Variants in DOCK1 observed in about 807,000 individuals in gnomAD.
DOCK1 encodes dedicator of cytokinesis 1, also known as dedicator of cytokinesis protein 1.
A neutral mutation model predicts 262.7 loss-of-function variants in DOCK1; 138 were observed. That is an observed-to-expected ratio of 0.53 (90% CI 0.46 to 0.61). The LOEUF (loss-of-function observed/expected upper bound fraction) is 0.61. DOCK1 is among the 20% of genes least tolerant of loss of function. The pLI is 0.00. For missense variants in DOCK1, 1,908 were observed against 2,370.7 expected, an observed-to-expected ratio of 0.80 and a Z score of 4.05; for synonymous variants, 866 against 867.4, an observed-to-expected ratio of 1.00 and a Z score of 0.03.
At chr10:126,970,480 TG>T (rs2038018643) in intron 1 of DOCK1, among the ~76,000 whole-genome samples, 1 of 152,206 alleles carries the variant, frequency 6.6e-6, no homozygotes, top group Non-Finnish European at 1.5e-5. Context: ...TATGGTCATC[TG>T]GTGTCATGGG....
intron 33 of DOCK1, among the ~76,000 whole-genome samples, chr10:127,363,339 GT>G (rs1327763935): frequency 1.3e-5 from 2 of 152,076 alleles, no homozygotes; most frequent in Non-Finnish European, 2.9e-5. Context: ...GTGAGACTCC[GT>G]CTCTACAAAA....
chr10:127,384,197 CT>C (rs934179265), intron 37 of DOCK1, among the ~76,000 whole-genome samples: 5 of 152,184 alleles, frequency 3.3e-5, no homozygotes, highest in African/African-American at 1.2e-4. Flanking sequence ...GTTAAGTGGC[CT>C]TGCCTTCCCT....
chr10:127,360,486 G>A (rs762063917), intron 32 of DOCK1, among the ~76,000 whole-genome samples: 10 of 152,220 alleles, frequency 6.6e-5, no homozygotes, highest in Non-Finnish European at 1.3e-4. Flanking sequence ...ACCCAGGAAG[G>A]TATGATACCA....
chr10:127,190,682 C>CCCCCCCCCCCCG (rs1554912109), intron 27 of DOCK1, among the ~76,000 whole-genome samples: 1 of 43,690 alleles, frequency 2.3e-5, no homozygotes, highest in Non-Finnish European at 4.9e-5. Context: ...CCCCCCCCCC[C>CCCCCCCCCCCCG]CGTTCCTGCT....
intron 27 of DOCK1, among the ~76,000 whole-genome samples, chr10:127,240,448 G>T (rs928605924): frequency 6.6e-6 from 1 of 152,020 alleles, no homozygotes; most frequent in Non-Finnish European, 1.5e-5. Context: ...GTTTATATGG[G>T]AAAGGTTTTA....
chr10:127,334,002 C>T (rs1474733433), intron 29 of DOCK1, among the ~76,000 whole-genome samples: 2 of 152,086 alleles, frequency 1.3e-5, no homozygotes, highest in African/African-American at 4.8e-5. Context: ...ATGAGGGTCT[C>T]GAAAACTTGA....
intron 32 of DOCK1, among the ~76,000 whole-genome samples, chr10:127,356,891 A>G (rs2064174244): frequency 2.0e-5 from 3 of 152,188 alleles, no homozygotes; most frequent in Admixed American, 6.5e-5. Flanking sequence ...AAGTATAGAC[A>G]GGGAATTGCC....
At chr10:127,020,776 A>C (rs368659329) in intron 13 of DOCK1, among the ~76,000 whole-genome samples, 116 of 152,122 alleles carry the variant, frequency 7.6e-4, no homozygotes, top group Non-Finnish European at 1.2e-3. Flanking sequence ...AGAGAGAGAG[A>C]GAGTATGGGC....
At chr10:127,400,968 A>T (rs1219061796) in intron 38 of DOCK1, among the ~76,000 whole-genome samples, 10 of 152,178 alleles carry the variant, frequency 6.6e-5, no homozygotes, top group African/African-American at 2.2e-4. Context: ...TAAGGTGTAG[A>T]CTGCTCACAA....
intron 29 of DOCK1, among the ~76,000 whole-genome samples, chr10:127,311,596 A>G (rs2062064809): frequency 6.6e-6 from 1 of 152,220 alleles, no homozygotes; most frequent in East Asian, 1.9e-4. Flanking sequence ...ATGAAATCTG[A>G]AACACTTCTG....
Position 127,175,231 on chromosome 10 carries a change from C to T in DOCK1, c.2847+47467C>T. On this transcript the variant is annotated intron_variant, in intron 27 of 51. Coordinates refer to ENST00000623213, the MANE Select transcript of DOCK1 (RefSeq NM_001290223.2). The surrounding 1 kb of genome is among the most constrained non-coding windows in gnomAD (Gnocchi z 6.3). ...ACATACCCTTCCCGATGGGCCTCTC[C>T]TTTTTCCAACTCCTGAATGACCCCC... 6.2e-7 allele frequency: 1 copy of T among 1,613,674 alleles called. No homozygotes were observed. Among genetic ancestry groups the T allele is most frequent in the Non-Finnish European group, 8.5e-7 (1 of 1,179,776 alleles).
At chr10:127,411,639 G>A (rs1301433280) in intron 43 of DOCK1, among the ~76,000 whole-genome samples, 1 of 152,100 alleles carries the variant, frequency 6.6e-6, no homozygotes, top group African/African-American at 2.4e-5. Context: ...TCAGGAGTTC[G>A]AGACCAGCCT....
chr10:127,359,298 G>A (rs1287015297), intron 32 of DOCK1, among the ~76,000 whole-genome samples: 1 of 152,160 alleles, frequency 6.6e-6, no homozygotes, highest in African/African-American at 2.4e-5. Context: ...CTAATAAGGA[G>A]GGTGATAATA....
intron 27 of DOCK1, among the ~76,000 whole-genome samples, chr10:127,144,690 A>G (rs1257368100): frequency 6.6e-6 from 1 of 152,218 alleles, no homozygotes; most frequent in Non-Finnish European, 1.5e-5. Context: ...ATATATATGG[A>G]TCTCATCCTA....
intron 18 of DOCK1, among the ~76,000 whole-genome samples, chr10:127,033,002 C>T (rs1189804013): frequency 1.3e-5 from 2 of 152,166 alleles, no homozygotes; most frequent in Non-Finnish European, 2.9e-5. Flanking sequence ...CTGTGTTAAC[C>T]CTGGGGATGC....
At chr10:127,314,454 G>A (rs1487328960) in intron 29 of DOCK1, among the ~76,000 whole-genome samples, 2 of 152,182 alleles carry the variant, frequency 1.3e-5, no homozygotes, top group East Asian at 1.9e-4. Context: ...GGGAGAAGCC[G>A]GGACAGCTTG....
chr10:127,415,700 C>T (rs918987383), intron 44 of DOCK1, among the ~76,000 whole-genome samples: 1 of 152,204 alleles, frequency 6.6e-6, no homozygotes, highest in Non-Finnish European at 1.5e-5. Flanking sequence ...ACATACCCCT[C>T]CCTGACCCTT....
At chr10:127,274,162 C>T (rs552502662) in intron 29 of DOCK1, among the ~76,000 whole-genome samples, 44 of 152,196 alleles carry the variant, frequency 2.9e-4, no homozygotes, top group Admixed American at 2.6e-3. Context: ...CTGACAGAAA[C>T]GGTAGAGAAA....
rs3221847 is a variant in DOCK1 at position 127,288,773 on chromosome 10, TCACA to T, written c.3044+31375_3044+31378del. On this transcript the variant is annotated intron_variant, in intron 29 of 51. Coordinates refer to ENST00000623213, the MANE Select transcript of DOCK1 (RefSeq NM_001290223.2). ...GTATATACTATACTATGTATATATT[TCACA>T]CACACACACACACACACACACACAC... 4.3e-3 allele frequency among the ~76,000 whole-genome samples: 620 copies of T among 143,500 alleles called. 4 individuals are homozygous for T. The highest frequency in any genetic ancestry group is 9.3e-3 in the African/African-American group (361 of 38,928). 94.1% of individuals were successfully genotyped at this position (143,500 alleles called of 152,430 possible). A position where few individuals can be genotyped will look rare whatever the true frequency, so the allele number is the denominator to read the frequency against.
Sources: gnomAD v4.1 joint callset for allele counts (sites outside exome capture counted in the v4.1 genomes callset) on GRCh38, gnomAD v4.1.1 for gene constraint, Gnocchi (gnomAD v3.1) non-coding constraint, MANE v1.5 for transcripts, NCBI Gene and HGNC (gene_info 2026-07-23, HGNC 2026-07-21) for gene names.